Variants in TIMM50 observed in about 807,000 individuals in gnomAD.
The protein encoded by TIMM50 is translocase of inner mitochondrial membrane 50.
A neutral mutation model predicts 49.6 loss-of-function variants in TIMM50; 34 were observed. The observed-to-expected ratio is 0.69, with a 90% confidence interval of 0.52 to 0.91. TIMM50 has a LOEUF of 0.91. Among genes scored for constraint, TIMM50 ranks in the 40% least tolerant of loss-of-function variants. The pLI, the probability that TIMM50 is intolerant of heterozygous loss-of-function variation, is 0.00. For missense variants in TIMM50, 458 were observed against 477.8 expected (o/e 0.96, Z 0.39); for synonymous variants, 199 against 198.4 (o/e 1.00, Z -0.03).
Position 39,488,169 on chromosome 19 carries a change from G to A in TIMM50, c.805G>A (p.Gly269Ser), listed in dbSNP as rs797044891. ...CGGCGTTGCCCTGCGGCCCTGGGAC[G>A]GCAACTCTGATGACCGGGTCTTGTT... ...YNGVALRPWD[G>S]NSDDRVLLDL... The change falls in exon 9 of 11, where the codon GGC (glycine) becomes AGC (serine). Residue 269 changes from glycine to serine, a missense_variant. Gly to Ser is a moderately conservative substitution (Grantham distance 56, BLOSUM62 0). Coordinates refer to ENST00000607714, the MANE Select transcript of TIMM50 (RefSeq NM_001001563.5). The A allele has an allele frequency of 3.7e-6, 6 of 1,613,942 alleles. No individual in the cohort carries two copies. The highest frequency in any genetic ancestry group is 5.1e-6 in the Non-Finnish European group (6 of 1,179,844).
At chr19:39,482,175 T>C in intron 2 of TIMM50, 142 bp downstream of exon 2, 1 of 1,051,452 alleles carries the variant, frequency 9.5e-7, no homozygotes, top group Non-Finnish European at 1.4e-6. Context: ...ATAAGACACC[T>C]ACCTTGAAAA....
chr19:39,481,893 T>A lies in TIMM50; in HGVS notation c.119T>A (p.Ile40Asn). 1 of 1,613,088 alleles carries A rather than the reference T, an allele frequency of 6.2e-7. No individual in the cohort carries two copies. Among genetic ancestry groups the A allele is most frequent in the South Asian group, 1.1e-5 (1 of 91,068 alleles). The change falls in exon 2 of 11, where the codon ATC becomes AAC. Residue 40 changes from isoleucine (I) to asparagine (N), a missense_variant. Ile to Asn is a moderately radical substitution (Grantham distance 149). Coordinates refer to ENST00000607714, the MANE Select transcript of TIMM50 (RefSeq NM_001001563.5). The part of the protein sequence containing the change: ...PRRAPDQAAE[I>N]GSRGSTKAQG... ...CTTTCTCAACCGCAGGCCGCAGAGA[T>A]CGGGAGCCGCGGGAGCACTAAGGCG...
Position 39,486,248 on chromosome 19 carries a change from C to T in TIMM50, c.554C>T (p.Ala185Val), listed in dbSNP as rs1372371950. The change falls in exon 7 of 11, where the codon GCC (alanine) becomes GTC (valine). Residue 185 changes from alanine to valine, a missense_variant. Coordinates refer to ENST00000607714, the MANE Select transcript of TIMM50 (RefSeq NM_001001563.5). ...PGIETLFQQL[A>V]PLYEIVIFTS... ...ATCGAGACCTTGTTCCAGCAGCTTG[C>T]CCCTTTATATGAAATTGTCATCTTT... is the stretch of plus-strand genomic sequence containing the variant. 6.2e-7 allele frequency: 1 copy of T among 1,614,166 alleles called. No homozygotes were observed. The highest frequency in any genetic ancestry group is 8.5e-7 in the Non-Finnish European group (1 of 1,180,040).
At chr19:39,483,244 G>A (rs574646611) in intron 4 of TIMM50, 88 bp downstream of exon 4, 22 of 1,560,462 alleles carry the variant, frequency 1.4e-5, no homozygotes, top group East Asian at 4.5e-5. Flanking sequence ...TGGTGTCTCC[G>A]GCCCCTCCTC....
chr19:39,485,895 T>A, intron 6 of TIMM50, 88 bp downstream of exon 6: 1 of 1,564,258 alleles, frequency 6.4e-7, no homozygotes, highest in Non-Finnish European at 8.7e-7. Context: ...CTGTGCTATG[T>A]GATCTTGGGG....
intron 4 of TIMM50, chr19:39,485,197 C>T (rs879858313): frequency 1.2e-5 from 4 of 335,250 alleles, no homozygotes; most frequent in East Asian, 7.2e-5. Flanking sequence ...GATCTGACCT[C>T]GTGATCCGTC....
At position 39,488,143 on chromosome 19, in the gene TIMM50, ACGGCGTTGCCCTG is replaced by A; in HGVS notation, c.784_796del (p.Val262ProfsTer23). 4 of 1,614,038 alleles carry A rather than the reference ACGGCGTTGCCCTG, an allele frequency of 2.5e-6. No individual in the cohort carries two copies. The highest frequency in any genetic ancestry group is 3.4e-6 in the Non-Finnish European group (4 of 1,179,926). ...GAAGCCTTCCGCCTGCAGCCCTATA[ACGGCGTTGCCCTG>A]CGGCCCTGGGACGGCAACTCTGATG... On this transcript the variant is annotated frameshift_variant, in exon 9 of 11. Transcript: ENST00000607714. LOFTEE classifies it high-confidence loss of function.
At position 39,488,237 on chromosome 19, in the gene TIMM50, C is replaced by A; in HGVS notation, c.853+20C>A. Reference sequence around the variant, plus strand: ...TCAAGAGTAAGGCTGACCCCTGATCCCTTGGCCTCTGACCCCAGAGCCCCT... The same window carrying A: ...TCAAGAGTAAGGCTGACCCCTGATCACTTGGCCTCTGACCCCAGAGCCCCT... On this transcript the variant is annotated intron_variant, in intron 9 of 10. Transcript: ENST00000607714. 6.3e-7 allele frequency: 1 copy of A among 1,595,790 alleles called. No homozygotes were observed. Among genetic ancestry groups the A allele is most frequent in the Non-Finnish European group, 8.6e-7 (1 of 1,166,374 alleles).
At position 39,486,247 on chromosome 19, in the gene TIMM50, G is replaced by A; in HGVS notation, c.553G>A (p.Ala185Thr). 1 of 1,614,162 alleles carries A rather than the reference G, an allele frequency of 6.2e-7. No individual in the cohort carries two copies. The highest frequency in any genetic ancestry group is 8.5e-7 in the Non-Finnish European group (1 of 1,180,036). Residue 185 changes from alanine (A) to threonine (T), a missense_variant, in exon 7 of 11, where the codon GCC (alanine) becomes ACC (threonine). Physicochemically the swap from Ala to Thr is moderately conservative, Grantham distance 58 (BLOSUM62 0). Coordinates refer to ENST00000607714, the MANE Select transcript of TIMM50 (RefSeq NM_001001563.5). ...PGIETLFQQL[A>T]PLYEIVIFTS... ...CATCGAGACCTTGTTCCAGCAGCTT[G>A]CCCCTTTATATGAAATTGTCATCTT... is the stretch of plus-strand genomic sequence containing the variant.
At position 39,481,491 on chromosome 19, in the gene TIMM50, G is replaced by A. The variant is rs185412163; in HGVS notation, c.109-392G>A. Among the ~76,000 whole-genome samples, 1,151 of 152,138 alleles carry A rather than the reference G, an allele frequency of 7.6e-3. 11 individuals are homozygous for A. The highest frequency in any genetic ancestry group is 8.1e-3 in the Non-Finnish European group (554 of 67,988). On this transcript the variant is annotated intron_variant, in intron 1 of 10. Transcript: ENST00000607714. ...ATAACTCTGCTACTTTTAGCCCCAA[G>A]CAGCCGGACGTCGTAACTCCCGGTT...
At position 39,491,824 on chromosome 19, in the gene TIMM50, C is replaced by T. The variant is rs1193108175; in HGVS notation, c.*2004C>T. ...CCTGGGCAACAGAGCGAGACCCTGT[C>T]TCAAAAAAAAAAAAAAAAAAAAAAA... On this transcript the variant is annotated 3_prime_UTR_variant, in exon 11 of 11. Transcript: ENST00000607714. The T allele has an allele frequency of 1.5e-5, 1 of 64,536 alleles. No homozygotes were observed. The highest frequency in any genetic ancestry group is 1.9e-4 in the Admixed American group (1 of 5,396). 4.0% of individuals were successfully genotyped at this position (64,536 alleles called of 1,614,324 possible).
At chr19:39,482,747 C>T (rs2079480963) in intron 2 of TIMM50, 138 bp from the exon 3 acceptor site, 2 of 1,082,068 alleles carry the variant, frequency 1.8e-6, no homozygotes, top group African/African-American at 1.6e-5. Flanking sequence ...GCTCCCAGCC[C>T]CCTCCTGGCT....
intron 8 of TIMM50, 119 bp downstream of exon 8, chr19:39,486,614 C>A: frequency 2.2e-6 from 2 of 912,682 alleles, no homozygotes; most frequent in Non-Finnish European, 1.7e-6. Flanking sequence ...AGATTCGATT[C>A]CTGCTGGCAG....
intron 2 of TIMM50, 75 bp from the exon 3 acceptor site, chr19:39,482,810 C>T (rs1273661010): frequency 1.2e-6 from 2 of 1,600,566 alleles, no homozygotes; most frequent in South Asian, 1.1e-5. Flanking sequence ...AGTCCAGGCC[C>T]CTTATCCCAC....
intron 4 of TIMM50, 30 bp downstream of exon 4, chr19:39,483,186 C>T: frequency 1.2e-6 from 2 of 1,613,926 alleles, no homozygotes; most frequent in Non-Finnish European, 1.7e-6. Flanking sequence ...TTCTGGAGTC[C>T]CTGACCCTCT....
At position 39,490,057 on chromosome 19, in the gene TIMM50, A is replaced by C. The variant is rs1386558138; in HGVS notation, c.*237A>C. Reference sequence around the variant, plus strand: ...TTTGTTGGATCAGAGCAGATTTTTCACCCTGGTCTCGGAATCTAAAAACCC... The same window carrying C: ...TTTGTTGGATCAGAGCAGATTTTTCCCCCTGGTCTCGGAATCTAAAAACCC... On this transcript the variant is annotated 3_prime_UTR_variant, in exon 11 of 11. Coordinates refer to ENST00000607714, the MANE Select transcript of TIMM50 (RefSeq NM_001001563.5). The C allele has an allele frequency of 9.6e-6, 5 of 522,128 alleles. No individual in the cohort carries two copies. The highest frequency in any genetic ancestry group is 1.7e-5 in the Non-Finnish European group (5 of 291,504). 32.3% of individuals were successfully genotyped at this position (522,128 alleles called of 1,614,324 possible).
Position 39,488,660 on chromosome 19 carries a change from G to C in TIMM50, c.960+15G>C. On this transcript the variant is annotated intron_variant, in intron 10 of 10. Transcript: ENST00000607714. Reference sequence around the variant, plus strand: ...GGCTAGAGCAGGTTGGTGCTCAGATGCCCAGAGTGGAGGATCGGCTCTGAG... The same window carrying C: ...GGCTAGAGCAGGTTGGTGCTCAGATCCCCAGAGTGGAGGATCGGCTCTGAG... 1 of 1,607,374 alleles carries C rather than the reference G, an allele frequency of 6.2e-7. No individual in the cohort carries two copies. The highest frequency in any genetic ancestry group is 1.1e-5 in the South Asian group (1 of 90,928).
In TIMM50 at chr19:39,485,811, T is replaced by C; in HGVS notation, c.492+4T>C. ...CCTCTTGCATCCTGAGTGGTCGGTG[T>C]GTCCCGGGAAACCCAGTGGGTTGGG... On this transcript the variant is annotated splice_donor_region_variant and intron_variant, in intron 6 of 10. Transcript: ENST00000607714. 7 of 1,614,070 alleles carry C rather than the reference T, an allele frequency of 4.3e-6. No individual in the cohort carries two copies. Among genetic ancestry groups the C allele is most frequent in the South Asian group, 1.1e-5 (1 of 91,082 alleles).
chr19:39,483,384 C>G, intron 4 of TIMM50: 3 of 517,290 alleles, frequency 5.8e-6, no homozygotes, highest in East Asian at 3.5e-5. Context: ...GGATTGGAGC[C>G]TTGGGTGGGA....
Sources: gnomAD v4.1 joint callset for allele counts (sites outside exome capture counted in the v4.1 genomes callset) on GRCh38, gnomAD v4.1.1 for gene constraint, MANE v1.5 for transcripts, NCBI Gene and HGNC (gene_info 2026-07-23, HGNC 2026-07-21) for gene names.